Variants in KHDRBS2 observed in about 807,000 individuals in gnomAD.
The protein encoded by KHDRBS2 is KH domain-containing, RNA-binding, signal transduction-associated protein 2.
In KHDRBS2, 26 loss-of-function variants were observed where a neutral mutation model predicts 44.3. The observed-to-expected ratio is 0.59, with a 90% CI of 0.43 to 0.81. The LOEUF (loss-of-function observed/expected upper bound fraction) is 0.81. Ranked by LOEUF, KHDRBS2 falls within the 40% of genes least tolerant of loss-of-function variation. KHDRBS2 has a pLI of 0.00. For synonymous variants in KHDRBS2, 194 were observed against 151.1 expected, an observed-to-expected ratio of 1.28 and a Z score of -2.08; for missense variants, 476 against 433.1, an observed-to-expected ratio of 1.10 and a Z score of -0.88.
chr6:62,258,991 T>C (rs1027825951), intron 1 of KHDRBS2, among the ~76,000 whole-genome samples: 4 of 151,904 alleles, frequency 2.6e-5, no homozygotes, highest in Admixed American at 6.6e-5. Flanking sequence ...AAATTGTTCT[T>C]CTCCCAAGTT....
chr6:61,595,341 G>A, the KHDRBS2 span, among the ~76,000 whole-genome samples: 2 of 152,058 alleles, frequency 1.3e-5, no homozygotes, highest in South Asian at 2.1e-4. Context: ...AGAGATGAAC[G>A]AAGATTTAAT....
At chr6:61,698,984 A>T (rs184687259) in intron 7 of KHDRBS2, among the ~76,000 whole-genome samples, 3 of 152,100 alleles carry the variant, frequency 2.0e-5, no homozygotes, top group African/African-American at 4.8e-5. Flanking sequence ...ATCACCATAC[A>T]TATTATATAA....
At chr6:62,270,524 C>G (rs552857015) in intron 1 of KHDRBS2, among the ~76,000 whole-genome samples, 5 of 151,708 alleles carry the variant, frequency 3.3e-5, no homozygotes, top group Non-Finnish European at 5.9e-5. Flanking sequence ...TCCTTTATAA[C>G]AATACAAAAA....
intron 6 of KHDRBS2, among the ~76,000 whole-genome samples, chr6:61,826,975 T>C (rs1790980548): frequency 6.6e-6 from 1 of 152,182 alleles, no homozygotes. Flanking sequence ...TATCAGAACA[T>C]AATTTTAGCA....
chr6:62,197,654 C>A (rs1825976543), intron 1 of KHDRBS2, among the ~76,000 whole-genome samples: 1 of 152,060 alleles, frequency 6.6e-6, no homozygotes. Context: ...ATATACACAC[C>A]ACTGTCAACA....
rs1008673855 is a variant in KHDRBS2, at chr6:62,286,172, G to C, written c.-224C>G. ...CCGTCCCTTCCGTCGTCCCTCGCTC[G>C]CGCAGAGCCCCGGCTCACACCAGCG... On this transcript the variant is annotated 5_prime_UTR_variant, in exon 1 of 9. Coordinates refer to ENST00000281156, the MANE Select transcript of KHDRBS2 (RefSeq NM_152688.4). The C allele has an allele frequency of 1.1e-5, 6 of 546,164 alleles. No homozygotes were observed. Among genetic ancestry groups the C allele is most frequent in the Admixed American group, 7.3e-5 (2 of 27,338 alleles). 33.8% of individuals were successfully genotyped at this position (546,164 alleles called of 1,614,324 possible).
At position 61,842,439 on chromosome 6, in the gene KHDRBS2, T is replaced by C. The variant is rs557809577; in HGVS notation, c.810+52196A>G. On this transcript the variant is annotated intron_variant, in intron 6 of 8. Transcript: ENST00000281156. Reference sequence around the variant, plus strand: ...CTTTGCATGTGTGATCCAAATTTTATACTAAAGAGAGGAAAGATCTTGAAT... The same window carrying C: ...CTTTGCATGTGTGATCCAAATTTTACACTAAAGAGAGGAAAGATCTTGAAT... Among the ~76,000 whole-genome samples, 3 of 152,282 alleles carry C rather than the reference T, an allele frequency of 2.0e-5. No individual in the cohort carries two copies. In the East Asian group the frequency reaches 5.8e-4, roughly 29 times the overall value.
At chr6:61,901,423 G>C (rs1370034559) in intron 4 of KHDRBS2, 52 bp from the exon 5 acceptor site, 3 of 1,357,974 alleles carry the variant, frequency 2.2e-6, no homozygotes, top group Non-Finnish European at 2.0e-6. Flanking sequence ...GCCGTTCTCA[G>C]AGTTGGAAAA....
intron 3 of KHDRBS2, among the ~76,000 whole-genome samples, chr6:61,993,405 T>C (rs1054510392): frequency 1.5e-4 from 22 of 151,722 alleles, no homozygotes; most frequent in Non-Finnish European, 2.8e-4. Flanking sequence ...AGAAAAATAA[T>C]AGCTTAAAAT....
At chr6:61,828,611 A>G (rs1791304083) in intron 6 of KHDRBS2, among the ~76,000 whole-genome samples, 1 of 152,190 alleles carries the variant, frequency 6.6e-6, no homozygotes, top group Admixed American at 6.5e-5. Flanking sequence ...TTTCCTCTGT[A>G]TACCTTTTGG....
chr6:61,861,917 G>T (rs1246200686), intron 6 of KHDRBS2, among the ~76,000 whole-genome samples: 1 of 152,100 alleles, frequency 6.6e-6, no homozygotes, highest in Non-Finnish European at 1.5e-5. Flanking sequence ...TCTCCTTGAA[G>T]AAGTCCTTCA....
chr6:61,767,086 T>C (rs1416215511), intron 6 of KHDRBS2, among the ~76,000 whole-genome samples: 4 of 152,126 alleles, frequency 2.6e-5, no homozygotes, highest in Admixed American at 6.6e-5. Context: ...TTTTGGAGTC[T>C]ATCACTCTCT....
At chr6:61,545,598 T>C in the KHDRBS2 span, among the ~76,000 whole-genome samples, 1 of 152,002 alleles carries the variant, frequency 6.6e-6, no homozygotes, top group East Asian at 1.9e-4. Context: ...AAAAACAGTA[T>C]ATGTAGCATA....
intron 6 of KHDRBS2, among the ~76,000 whole-genome samples, chr6:61,848,540 T>TAC (rs1491248609): frequency 1.1e-4 from 6 of 54,668 alleles, no homozygotes; most frequent in African/African-American, 4.6e-4. Flanking sequence ...TACATATATA[T>TAC]GTATATATAT....
At chr6:62,285,784 T>A in intron 1 of KHDRBS2, 74 bp downstream of exon 1, 1 of 1,016,724 alleles carries the variant, frequency 9.8e-7, no homozygotes. Flanking sequence ...CCTCCCCAAC[T>A]TCACTCCCCT....
the KHDRBS2 span, among the ~76,000 whole-genome samples, chr6:61,637,414 T>A: frequency 6.6e-6 from 1 of 152,208 alleles, no homozygotes; most frequent in Admixed American, 6.6e-5. Flanking sequence ...GTGCCACATT[T>A]TCTTAATCCA....
At chr6:62,078,436 A>G (rs567406325) in intron 2 of KHDRBS2, among the ~76,000 whole-genome samples, 6 of 152,138 alleles carry the variant, frequency 3.9e-5, no homozygotes, top group African/African-American at 1.4e-4. Context: ...GATTATTTAA[A>G]TTATCAAATT....
At chr6:62,048,745 C>T (rs1332070506) in intron 2 of KHDRBS2, among the ~76,000 whole-genome samples, 4 of 151,932 alleles carry the variant, frequency 2.6e-5, no homozygotes, top group African/African-American at 4.8e-5. Flanking sequence ...AGAGCAGTTA[C>T]GAAAGCATTT....
chr6:61,685,991 T>C (rs1766775640), intron 8 of KHDRBS2, among the ~76,000 whole-genome samples: 2 of 151,692 alleles, frequency 1.3e-5, no homozygotes, highest in African/African-American at 4.8e-5. Context: ...ACTTTTAATG[T>C]TTATCTTTCA....
Sources: gnomAD v4.1 joint callset for allele counts (sites outside exome capture counted in the v4.1 genomes callset) on GRCh38, gnomAD v4.1.1 for gene constraint, MANE v1.5 for transcripts, NCBI Gene and HGNC (gene_info 2026-07-23, HGNC 2026-07-21) for gene names.